The following VSX2 variants were observed in gnomAD, a reference collection of about 807,000 sequenced individuals.
VSX2 encodes the protein ceh-10 homeo domain containing homolog.
A neutral mutation model predicts 32.1 loss-of-function variants in VSX2; 28 were observed. The ratio of observed to expected loss-of-function variants is 0.87; its 90% confidence interval spans 0.65 to 1.20. The LOEUF is 1.20. VSX2 is among the 50% of genes most tolerant of loss of function. VSX2 has a pLI of 0.00. For synonymous variants in VSX2, 243 were observed against 214.1 expected, an observed-to-expected ratio of 1.14 and a Z score of -1.18; for missense variants, 506 against 488.7, an observed-to-expected ratio of 1.04 and a Z score of -0.33.
At chr14:74,253,232 T>C (rs1002080981) in intron 3 of VSX2, among the ~76,000 whole-genome samples, 3 of 152,066 alleles carry the variant, frequency 2.0e-5, no homozygotes, top group Non-Finnish European at 4.4e-5. Flanking sequence ...GCTGGCACCT[T>C]GACGCAGGGT....
chr14:74,245,341 T>G, intron 3 of VSX2, 53 bp downstream of exon 3: 1 of 1,609,204 alleles, frequency 6.2e-7, no homozygotes. Context: ...CGGTGACATC[T>G]ACCACTCCAG....
At chr14:74,249,149 T>C (rs2079214051) in intron 3 of VSX2, among the ~76,000 whole-genome samples, 5 of 152,252 alleles carry the variant, frequency 3.3e-5, no homozygotes, top group Admixed American at 3.3e-4. Flanking sequence ...AATTACTCAT[T>C]TGTAAGATAA....
intron 3 of VSX2, among the ~76,000 whole-genome samples, chr14:74,256,344 T>A (rs1012791015): frequency 1.3e-5 from 2 of 152,162 alleles, no homozygotes; most frequent in African/African-American, 2.4e-5. Context: ...GACAGGAGAA[T>A]TGCTTGAATG....
chr14:74,245,168 A>G lies in VSX2; in HGVS notation c.459A>G (p.Thr153=). ...TKKRKKRRHR[T]IFTSYQLEEL... Reference sequence around the variant, plus strand: ...TGTTCGGTCTTGCTCCCCTCAGGACAATCTTTACCTCCTACCAGCTAGAGG... The same window carrying G: ...TGTTCGGTCTTGCTCCCCTCAGGACGATCTTTACCTCCTACCAGCTAGAGG... Residue 153 remains threonine, a synonymous_variant, in exon 3 of 5, where the codon ACA becomes ACG. Coordinates refer to ENST00000261980, the MANE Select transcript of VSX2 (RefSeq NM_182894.3). The G allele has an allele frequency of 6.2e-7, 1 of 1,613,594 alleles. No homozygotes were observed. Among genetic ancestry groups the G allele is most frequent in the Non-Finnish European group, 8.5e-7 (1 of 1,179,852 alleles).
Position 74,241,309 on chromosome 14 carries a change from C to A in VSX2, c.455+43C>A, listed in dbSNP as rs575288607. 5.4e-5 allele frequency: 86 copies of A among 1,590,482 alleles called. No homozygotes were observed. The South Asian group carries it at 8.9e-4, about 17-fold the overall frequency. ...TGTTACCTCTCCTGCCCGCGCACCC[C>A]GCTGCCGTCCCCCGTTCCGGGATCG... is the stretch of plus-strand genomic sequence containing the variant. On this transcript the variant is annotated intron_variant, in intron 2 of 4. Coordinates refer to ENST00000261980, the MANE Select transcript of VSX2 (RefSeq NM_182894.3).
At chr14:74,253,372 T>A (rs553773971) in intron 3 of VSX2, among the ~76,000 whole-genome samples, 1 of 152,238 alleles carries the variant, frequency 6.6e-6, no homozygotes, top group South Asian at 2.1e-4. Context: ...ACAGTCCACC[T>A]AGAAAAAGGA....
chr14:74,246,478 C>G (rs1481156103), intron 3 of VSX2, among the ~76,000 whole-genome samples: 3 of 152,238 alleles, frequency 2.0e-5, no homozygotes, highest in Non-Finnish European at 4.4e-5. Flanking sequence ...GACATTGACA[C>G]TAACAATAAG....
chr14:74,257,677 G>A (rs913311769), intron 3 of VSX2, among the ~76,000 whole-genome samples: 20 of 151,168 alleles, frequency 1.3e-4, no homozygotes, highest in African/African-American at 4.9e-4. Flanking sequence ...CCACCTGACG[G>A]CAACGGCGGG....
At chr14:74,246,282 C>T (rs983431650) in intron 3 of VSX2, among the ~76,000 whole-genome samples, 7 of 152,180 alleles carry the variant, frequency 4.6e-5, no homozygotes, top group South Asian at 2.1e-4. Flanking sequence ...CTCTGCTCTG[C>T]GTCTCCTCCC....
chr14:74,245,478 G>A (rs2079186545), intron 3 of VSX2, among the ~76,000 whole-genome samples, 190 bp downstream of exon 3: 1 of 152,116 alleles, frequency 6.6e-6, no homozygotes. Flanking sequence ...GGGATGAGAA[G>A]CACCCAGTTG....
At position 74,245,273 on chromosome 14, in the gene VSX2, G is replaced by C; in HGVS notation, c.564G>C (p.Pro188=). Residue 188 remains proline (P), a synonymous_variant, in exon 3 of 5, where the codon CCG becomes CCC. Transcript: ENST00000261980. Reference sequence around the variant, plus strand: ...TGCTGGCCATGAAAACGGAGCTGCCGGAAGACAGGATACAGGTAACAGCCC... The same window carrying C: ...TGCTGGCCATGAAAACGGAGCTGCCCGAAGACAGGATACAGGTAACAGCCC... ...REMLAMKTEL[P]EDRIQVWFQN... 1 of 1,613,446 alleles carries C rather than the reference G, an allele frequency of 6.2e-7. No individual in the cohort carries two copies. The highest frequency in any genetic ancestry group is 8.5e-7 in the Non-Finnish European group (1 of 1,179,812).
chr14:74,241,548 A>G (rs562879067), intron 2 of VSX2, among the ~76,000 whole-genome samples: 28 of 152,374 alleles, frequency 1.8e-4, no homozygotes, highest in Middle Eastern at 6.8e-3. Flanking sequence ...AAACTGAGCC[A>G]CAGAGTGGGG....
At chr14:74,248,605 C>A (rs535877710) in intron 3 of VSX2, among the ~76,000 whole-genome samples, 1 of 151,804 alleles carries the variant, frequency 6.6e-6, no homozygotes, top group Admixed American at 6.6e-5. Context: ...ATGGGAGGAC[C>A]ACTTGAGCCC....
Position 74,261,021 on chromosome 14 carries a change from C to T in VSX2, c.*102C>T. 7.3e-7 allele frequency: 1 copy of T among 1,377,210 alleles called. No individual in the cohort carries two copies. Among genetic ancestry groups the T allele is most frequent in the Non-Finnish European group, 1.0e-6 (1 of 1,001,014 alleles). 85.3% of individuals were successfully genotyped at this position (1,377,210 alleles called of 1,614,324 possible). A position where few individuals can be genotyped will look rare whatever the true frequency, so the allele number is the denominator to read the frequency against. ...AGGCAAGGCCCAGACCTGGCCTCTG[C>T]CATCCTCCCTGTTCCCCACAGGTCC... On this transcript the variant is annotated 3_prime_UTR_variant, in exon 5 of 5. Coordinates refer to ENST00000261980, the MANE Select transcript of VSX2 (RefSeq NM_182894.3).
At chr14:74,260,241 C>T (rs561559092) in intron 4 of VSX2, among the ~76,000 whole-genome samples, 1 of 152,364 alleles carries the variant, frequency 6.6e-6, no homozygotes, top group South Asian at 2.1e-4. Context: ...ACTTCCCCAC[C>T]TGCCCTCTGG....
chr14:74,243,776 T>TC (rs1344891048), intron 2 of VSX2, among the ~76,000 whole-genome samples: 1 of 151,980 alleles, frequency 6.6e-6, no homozygotes, highest in Admixed American at 6.5e-5. Context: ...GCACAATCTT[T>TC]CTTCCCTGAA....
At chr14:74,248,370 A>G (rs1252466221) in intron 3 of VSX2, among the ~76,000 whole-genome samples, 2 of 148,878 alleles carry the variant, frequency 1.3e-5, no homozygotes, top group African/African-American at 4.9e-5. Context: ...ACCAAAAACG[A>G]GACCCTGTCT....
At chr14:74,260,281 C>T (rs755905420) in intron 4 of VSX2, among the ~76,000 whole-genome samples, 3 of 152,198 alleles carry the variant, frequency 2.0e-5, no homozygotes, top group Non-Finnish European at 2.9e-5. Flanking sequence ...ACCAGCTCCT[C>T]TTGGGGTTCT....
In VSX2 at chr14:74,260,901, G is replaced by A. The variant is rs2079302771; in HGVS notation, c.1068G>A (p.Gln356=). The change falls in exon 5 of 5, where the codon CAG becomes CAA. Residue 356 remains glutamine (Q), a synonymous_variant. Coordinates refer to ENST00000261980, the MANE Select transcript of VSX2 (RefSeq NM_182894.3). ...DRPAERLSPP[Q]LEDMA is the part of the protein sequence containing the mutation. ...CGGCGGAGAGGCTCAGTCCACCGCA[G>A]CTGGAGGACATGGCTTAGGTCAAGG... 6.4e-7 allele frequency: 1 copy of A among 1,561,054 alleles called. No homozygotes were observed. The highest frequency in any genetic ancestry group is 8.7e-7 in the Non-Finnish European group (1 of 1,153,412).
Sources: allele counts gnomAD v4.1 joint callset (sites outside exome capture counted in the v4.1 genomes callset), GRCh38; gene constraint gnomAD v4.1.1; transcripts MANE v1.5; gene names NCBI Gene and HGNC (gene_info 2026-07-23, HGNC 2026-07-21).